The following DSCAM variants were observed in gnomAD, a reference collection of about 807,000 sequenced individuals.
DSCAM encodes DS cell adhesion molecule.
DSCAM carries 47 observed loss-of-function variants against 217.7 expected under a neutral mutation model. The ratio of observed to expected loss-of-function variants is 0.22; its 90% CI spans 0.17 to 0.28. The LOEUF is 0.28. Ranked by LOEUF, DSCAM falls within the 10% of genes least tolerant of loss-of-function variation. The pLI is 1.00. For synonymous variants in DSCAM, 1,056 were observed against 1,015.3 expected (o/e 1.04, Z -0.76); for missense variants, 2,080 against 2,618.3 (o/e 0.79, Z 4.49).
intron 6 of DSCAM, among the ~76,000 whole-genome samples, chr21:40,342,648 A>ATATATATATTTTTT (rs61637421): frequency 1.2e-5 from 1 of 80,322 alleles, no homozygotes; most frequent in African/African-American, 5.2e-5. Context: ...ATATATATAT[A>ATATATATATTTTTT]TTTTTTTTTT....
At chr21:40,816,789 A>G (rs2091885063) in intron 1 of DSCAM, among the ~76,000 whole-genome samples, 1 of 152,138 alleles carries the variant, frequency 6.6e-6, no homozygotes, top group Non-Finnish European at 1.5e-5. Context: ...GAGTCTTGAG[A>G]CTATATGCCC....
At chr21:40,565,575 C>G (rs1487605635) in intron 3 of DSCAM, among the ~76,000 whole-genome samples, 2 of 152,128 alleles carry the variant, frequency 1.3e-5, no homozygotes, top group Non-Finnish European at 2.9e-5. Context: ...CCATTGCTGT[C>G]CCTACCTTCT....
intron 11 of DSCAM, among the ~76,000 whole-genome samples, chr21:40,264,169 C>G (rs1229120197): frequency 1.3e-5 from 2 of 152,056 alleles, no homozygotes; most frequent in South Asian, 2.1e-4. Flanking sequence ...TTCCAAAAGA[C>G]AGAGAAGGAG....
chr21:40,370,316 G>T (rs1371392605), intron 3 of DSCAM, among the ~76,000 whole-genome samples: 1 of 150,764 alleles, frequency 6.6e-6, no homozygotes, highest in Non-Finnish European at 1.5e-5. Flanking sequence ...GGGTAACTCA[G>T]TACACCTCCT....
At chr21:40,532,900 GTGTGTGTGTGCA>G (rs897091577) in intron 3 of DSCAM, among the ~76,000 whole-genome samples, 7 of 138,832 alleles carry the variant, frequency 5.0e-5, no homozygotes, top group Non-Finnish European at 1.1e-4. Context: ...GTGTGTGTGT[GTGTGTGTGTGCA>G]CACGCACGCG....
intron 30 of DSCAM, 89 bp downstream of exon 30, chr21:40,051,869 C>T: frequency 6.7e-7 from 1 of 1,488,994 alleles, no homozygotes; most frequent in Non-Finnish European, 9.0e-7. Flanking sequence ...GTATGAAAAG[C>T]CACACATTTT....
At chr21:40,734,737 T>C (rs1416684345) in intron 1 of DSCAM, among the ~76,000 whole-genome samples, 3 of 152,234 alleles carry the variant, frequency 2.0e-5, no homozygotes, top group Non-Finnish European at 4.4e-5. Flanking sequence ...TTCCACACCC[T>C]TCTTTTCAGT....
chr21:40,315,293 A>G (rs1034637680), intron 8 of DSCAM, among the ~76,000 whole-genome samples: 3 of 151,946 alleles, frequency 2.0e-5, no homozygotes, highest in Non-Finnish European at 4.4e-5. Flanking sequence ...AGTCCCAGCT[A>G]CTAGGGAGGC....
chr21:40,806,687 A>G (rs1372818846), intron 1 of DSCAM, among the ~76,000 whole-genome samples: 10 of 152,236 alleles, frequency 6.6e-5, no homozygotes, highest in Admixed American at 6.5e-4. Context: ...ACTGTTCACA[A>G]TAGCAAATAC....
chr21:40,197,125 TTTTTC>T (rs1255304376), intron 11 of DSCAM, among the ~76,000 whole-genome samples: 4 of 145,336 alleles, frequency 2.8e-5, no homozygotes, highest in African/African-American at 1.1e-4. Context: ...TTTCTTTCTT[TTTTTC>T]TTTTTTGAGA....
At chr21:40,324,103 C>CAAAAA (rs71330393) in intron 8 of DSCAM, among the ~76,000 whole-genome samples, 40 of 27,932 alleles carry the variant, frequency 1.4e-3, no homozygotes, top group East Asian at 3.7e-3. Context: ...AACTCTGTCT[C>CAAAAA]AAAAAAAAAA....
At chr21:40,062,183 T>A (rs79324929) in intron 28 of DSCAM, among the ~76,000 whole-genome samples, 4,376 of 152,228 alleles carry the variant, frequency 0.029, 222 homozygotes, top group African/African-American at 0.1. Flanking sequence ...TGTCACAGCT[T>A]TGCCAATCAC....
intron 3 of DSCAM, among the ~76,000 whole-genome samples, chr21:40,438,428 T>C (rs2075602488): frequency 6.6e-6 from 1 of 152,126 alleles, no homozygotes; most frequent in African/African-American, 2.4e-5. Flanking sequence ...GAGTGGTAAG[T>C]GAAGGAGTTA....
At chr21:40,138,888 GGTGT>G (rs1165330212) in intron 18 of DSCAM, among the ~76,000 whole-genome samples, 1 of 146,736 alleles carries the variant, frequency 6.8e-6, no homozygotes, top group Non-Finnish European at 1.5e-5. Flanking sequence ...GGGTGTGTGT[GGTGT>G]GTAAGTGTGG....
At chr21:40,459,461 GAGTAAAA>G (rs1002765913) in intron 3 of DSCAM, among the ~76,000 whole-genome samples, 4 of 152,282 alleles carry the variant, frequency 2.6e-5, no homozygotes, top group South Asian at 2.1e-4. Context: ...TGAAGTGACT[GAGTAAAA>G]AGTAAAAAGT....
At chr21:40,437,823 C>A (rs1386135778) in intron 3 of DSCAM, among the ~76,000 whole-genome samples, 1 of 152,088 alleles carries the variant, frequency 6.6e-6, no homozygotes, top group Non-Finnish European at 1.5e-5. Context: ...GCACTCCAAC[C>A]TGGGCAAAAA....
intron 3 of DSCAM, among the ~76,000 whole-genome samples, chr21:40,493,563 A>G (rs922507411): frequency 6.6e-6 from 1 of 152,114 alleles, no homozygotes; most frequent in Non-Finnish European, 1.5e-5. Flanking sequence ...AAATTGTGAC[A>G]TCAAAAATAG....
At chr21:40,522,386 A>G (rs2076366155) in intron 3 of DSCAM, among the ~76,000 whole-genome samples, 1 of 152,220 alleles carries the variant, frequency 6.6e-6, no homozygotes, top group Admixed American at 6.5e-5. Flanking sequence ...CTCAACAGGA[A>G]AGTCAGATTT....
At chr21:40,310,602 G>T (rs959545812) in intron 9 of DSCAM, among the ~76,000 whole-genome samples, 1 of 152,198 alleles carries the variant, frequency 6.6e-6, no homozygotes, top group African/African-American at 2.4e-5. Context: ...ACTTCTGGTT[G>T]CCTTTTCTGC....
Sources: allele counts gnomAD v4.1 joint callset (sites outside exome capture counted in the v4.1 genomes callset), GRCh38; gene constraint gnomAD v4.1.1; transcripts MANE v1.5; gene names NCBI Gene and HGNC (gene_info 2026-07-23, HGNC 2026-07-21).